Variants in CCDC91 observed in about 807,000 individuals in gnomAD.
The protein encoded by CCDC91 is coiled-coil domain containing 91.
Under a neutral mutation model 63.2 loss-of-function variants are expected in CCDC91, and 48 were observed. The observed-to-expected ratio is 0.76, with a 90% CI of 0.60 to 0.97. The LOEUF is 0.97. Among genes scored for constraint, CCDC91 ranks in the 50% least tolerant of loss-of-function variants. CCDC91 has a pLI of 0.00. For missense variants in CCDC91, 500 were observed against 494.6 expected (o/e 1.01, Z -0.10); for synonymous variants, 167 against 165.8 (o/e 1.01, Z -0.06).
At chr12:28,344,174 A>G (rs1942641199) in intron 6 of CCDC91, among the ~76,000 whole-genome samples, 1 of 152,170 alleles carries the variant, frequency 6.6e-6, no homozygotes, top group Admixed American at 6.5e-5. Context: ...CATTTATATA[A>G]GAATCCAATG....
At chr12:28,471,987 G>GTGATCAGCCCGCT (rs1950842488) in intron 11 of CCDC91, among the ~76,000 whole-genome samples, 1 of 152,142 alleles carries the variant, frequency 6.6e-6, no homozygotes, top group South Asian at 2.1e-4. Flanking sequence ...CTGCCCTCAA[G>GTGATCAGCCCGCT]TGATCAGCCC....
At chr12:28,279,610 G>T (rs970854772) in intron 3 of CCDC91, among the ~76,000 whole-genome samples, 2 of 152,050 alleles carry the variant, frequency 1.3e-5, no homozygotes, top group African/African-American at 4.8e-5. Flanking sequence ...TCACTTTCCT[G>T]ACTCAACTTT....
intron 12 of CCDC91, among the ~76,000 whole-genome samples, chr12:28,509,204 A>G (rs1257337328): frequency 6.6e-6 from 1 of 151,918 alleles, no homozygotes; most frequent in East Asian, 1.9e-4. Context: ...TCTCTCCATT[A>G]TGCAAACACA....
At chr12:28,516,714 C>G (rs943020659) in intron 12 of CCDC91, among the ~76,000 whole-genome samples, 12 of 151,888 alleles carry the variant, frequency 7.9e-5, no homozygotes, top group African/African-American at 2.9e-4. Flanking sequence ...TTGCTGCATC[C>G]TCCCATGGCA....
intron 10 of CCDC91, 63 bp from the exon 11 acceptor site, chr12:28,452,415 C>A: frequency 8.8e-7 from 1 of 1,136,950 alleles, no homozygotes; most frequent in South Asian, 1.5e-5. Flanking sequence ...TTAACCAAGT[C>A]TGTTACTCAA....
intron 8 of CCDC91, among the ~76,000 whole-genome samples, chr12:28,416,170 T>C (rs1047838799): frequency 1.3e-5 from 2 of 152,280 alleles, no homozygotes; most frequent in East Asian, 1.9e-4. Flanking sequence ...AAGCTTCTTA[T>C]TAACTTTTAT....
intron 6 of CCDC91, among the ~76,000 whole-genome samples, chr12:28,333,631 A>G (rs1339114631): frequency 3.3e-5 from 5 of 152,032 alleles, no homozygotes; most frequent in Non-Finnish European, 7.4e-5. Context: ...CTATCTTGGT[A>G]TCTTTCTAGA....
chr12:28,308,838 C>T (rs1337258614), intron 6 of CCDC91, among the ~76,000 whole-genome samples: 1 of 151,996 alleles, frequency 6.6e-6, no homozygotes, highest in Admixed American at 6.6e-5. Flanking sequence ...GTAATAGTCT[C>T]CTAAGTGGTC....
chr12:28,540,276 C>A (rs1047782101), intron 12 of CCDC91, among the ~76,000 whole-genome samples: 17 of 151,996 alleles, frequency 1.1e-4, no homozygotes, highest in African/African-American at 3.9e-4. Flanking sequence ...ATTTAATGTG[C>A]CAGGCTTTTT....
In CCDC91 at chr12:28,326,083, A is replaced by C. The variant is rs1415822113; in HGVS notation, c.576+18334A>C. ...TGCCTGGCCATATGCTTTGCTTCCAAAAAAAGTTTTTTTGTCTAAGAGATA... is the reference window on the plus strand; with the variant it reads ...TGCCTGGCCATATGCTTTGCTTCCACAAAAAGTTTTTTTGTCTAAGAGATA... On this transcript the variant is annotated intron_variant, in intron 6 of 12. Transcript: ENST00000536442. 3.3e-5 allele frequency among the ~76,000 whole-genome samples: 5 copies of C among 152,192 alleles called. No homozygotes were observed. The East Asian group carries it at 7.8e-4, about 24-fold the overall frequency.
At chr12:28,292,185 G>A (rs1209130269) in intron 3 of CCDC91, among the ~76,000 whole-genome samples, 1 of 152,152 alleles carries the variant, frequency 6.6e-6, no homozygotes, top group African/African-American at 2.4e-5. Context: ...AGTGAGAAAT[G>A]CCCATTAAAA....
intron 4 of CCDC91, among the ~76,000 whole-genome samples, chr12:28,306,377 A>T (rs1938728972): frequency 6.6e-6 from 1 of 152,080 alleles, no homozygotes; most frequent in Non-Finnish European, 1.5e-5. Context: ...TTTGATTTAC[A>T]GTTTAAAATA....
intron 1 of CCDC91, among the ~76,000 whole-genome samples, chr12:28,229,802 C>T (rs1944478983): frequency 1.3e-5 from 2 of 151,950 alleles, no homozygotes; most frequent in South Asian, 4.2e-4. Context: ...TTTTTTAGCT[C>T]ACGTTGGACT....
intron 8 of CCDC91, among the ~76,000 whole-genome samples, chr12:28,413,257 G>A (rs750750606): frequency 1.3e-5 from 2 of 151,768 alleles, no homozygotes; most frequent in Non-Finnish European, 2.9e-5. Context: ...CATTTTTTTG[G>A]TATAGGGGTC....
intron 8 of CCDC91, among the ~76,000 whole-genome samples, chr12:28,426,616 A>G (rs1001012938): frequency 6.6e-6 from 1 of 152,150 alleles, no homozygotes; most frequent in Non-Finnish European, 1.5e-5. Context: ...TGAGCCCATC[A>G]AAGGCATTCT....
intron 1 of CCDC91, among the ~76,000 whole-genome samples, chr12:28,246,690 G>A (rs1945759663): frequency 6.6e-6 from 1 of 152,148 alleles, no homozygotes; most frequent in Non-Finnish European, 1.5e-5. Context: ...ATGACAAGAA[G>A]TAAGTTCTGG....
intron 3 of CCDC91, among the ~76,000 whole-genome samples, chr12:28,303,181 TTAAA>T (rs1424414728): frequency 6.6e-6 from 1 of 152,080 alleles, no homozygotes; most frequent in Non-Finnish European, 1.5e-5. Flanking sequence ...AAGTAGTATC[TTAAA>T]TAACAGATCC....
intron 5 of CCDC91, 87 bp downstream of exon 5, chr12:28,307,032 A>G: frequency 1.2e-6 from 1 of 867,866 alleles, no homozygotes; most frequent in Non-Finnish European, 1.8e-6. Context: ...AACTCATCAG[A>G]GGAAGAAGAT....
chr12:28,279,588 T>C (rs1025449385), intron 3 of CCDC91, among the ~76,000 whole-genome samples: 1 of 152,174 alleles, frequency 6.6e-6, no homozygotes, highest in African/African-American at 2.4e-5. Context: ...GGAAAGCTGC[T>C]GATCCCACTC....
Sources: allele counts gnomAD v4.1 joint callset (sites outside exome capture counted in the v4.1 genomes callset), GRCh38; gene constraint gnomAD v4.1.1; transcripts MANE v1.5; gene names NCBI Gene and HGNC (gene_info 2026-07-23, HGNC 2026-07-21).